Variants in BMP2K observed in about 807,000 individuals in gnomAD.
BMP2K encodes BMP-2-inducible protein kinase.
A neutral mutation model predicts 116.0 loss-of-function variants in BMP2K; 74 were observed. The observed-to-expected ratio is 0.64, with a 90% confidence interval of 0.53 to 0.77. The LOEUF is 0.77. Among genes scored for constraint, BMP2K ranks in the 30% least tolerant of loss-of-function variants. The probability of loss-of-function intolerance (pLI) is 0.00; values close to 1 mark genes in which losing one functional copy is unlikely to be tolerated. For missense variants in BMP2K, 1,365 were observed against 1,403.6 expected, an observed-to-expected ratio of 0.97 and a Z score of 0.44; for synonymous variants, 486 against 502.5, an observed-to-expected ratio of 0.97 and a Z score of 0.44.
chr4:78,842,275 T>C, intron 3 of BMP2K, 110 bp from the exon 4 acceptor site: 3 of 945,028 alleles, frequency 3.2e-6, no homozygotes, highest in Non-Finnish European at 4.5e-6. Flanking sequence ...ATGAGAATTA[T>C]GAAAAAGCCA....
intron 14 of BMP2K, among the ~76,000 whole-genome samples, chr4:78,880,432 T>C (rs975569012): frequency 1.3e-5 from 2 of 152,196 alleles, no homozygotes; most frequent in African/African-American, 2.4e-5. Flanking sequence ...ATTTATAGGA[T>C]TATATTTAAA....
At chr4:78,902,528 A>T (rs922880761) in intron 15 of BMP2K, among the ~76,000 whole-genome samples, 2 of 151,892 alleles carry the variant, frequency 1.3e-5, no homozygotes, top group African/African-American at 4.9e-5. Context: ...TATGCTGCCA[A>T]TTCAAAGTGA....
chr4:78,840,585 TATA>T (rs2110019784), intron 3 of BMP2K, among the ~76,000 whole-genome samples: 1 of 152,300 alleles, frequency 6.6e-6, no homozygotes, highest in South Asian at 2.1e-4. Context: ...ACCTTCAGTA[TATA>T]ATGTTTGATT....
At chr4:78,858,208 G>C (rs918490262) in intron 7 of BMP2K, among the ~76,000 whole-genome samples, 1 of 151,924 alleles carries the variant, frequency 6.6e-6, no homozygotes, top group Non-Finnish European at 1.5e-5. Context: ...TGAATAAGTA[G>C]TTATTGTTAA....
intron 1 of BMP2K, among the ~76,000 whole-genome samples, chr4:78,815,819 T>C (rs769407818): frequency 6.6e-5 from 10 of 152,166 alleles, no homozygotes; most frequent in Non-Finnish European, 1.3e-4. Context: ...TATGGACTTT[T>C]AGGATATACA....
chr4:78,851,774 T>C (rs1731262239), intron 7 of BMP2K, among the ~76,000 whole-genome samples: 1 of 152,040 alleles, frequency 6.6e-6, no homozygotes, highest in South Asian at 2.1e-4. Flanking sequence ...AATATAAAAA[T>C]AAATGTACTT....
At chr4:78,906,846 A>G (rs1734311588) in intron 15 of BMP2K, among the ~76,000 whole-genome samples, 1 of 152,182 alleles carries the variant, frequency 6.6e-6, no homozygotes, top group African/African-American at 2.4e-5. Context: ...TTTCTTCACA[A>G]TAGCTCTATG....
intron 11 of BMP2K, 110 bp downstream of exon 11, chr4:78,871,170 T>A: frequency 6.6e-7 from 1 of 1,507,026 alleles, no homozygotes; most frequent in Non-Finnish European, 8.9e-7. Context: ...TAGATTTGAG[T>A]AAACACTTTC....
intron 6 of BMP2K, among the ~76,000 whole-genome samples, chr4:78,850,296 A>T (rs1378569778): frequency 1.3e-5 from 2 of 151,852 alleles, no homozygotes; most frequent in Non-Finnish European, 2.9e-5. Context: ...ATGGTTATGA[A>T]GCCATGCAGG....
intron 3 of BMP2K, among the ~76,000 whole-genome samples, chr4:78,833,949 T>TA (rs1272239811): frequency 6.6e-6 from 1 of 152,208 alleles, no homozygotes; most frequent in African/African-American, 2.4e-5. Flanking sequence ...GGTACAGAGT[T>TA]ACAGTTCTTG....
At chr4:78,826,531 T>A (rs1729883144) in intron 2 of BMP2K, among the ~76,000 whole-genome samples, 2 of 152,112 alleles carry the variant, frequency 1.3e-5, no homozygotes, top group South Asian at 4.1e-4. Context: ...ATTAACCAGC[T>A]TTTAGGCAAG....
chr4:78,849,596 A>AT (rs886839156), intron 6 of BMP2K, among the ~76,000 whole-genome samples: 4 of 150,380 alleles, frequency 2.7e-5, no homozygotes, highest in African/African-American at 9.7e-5. Flanking sequence ...CATTAATAGC[A>AT]TTTTTTTTTA....
At chr4:78,804,047 C>T (rs1232149469) in intron 1 of BMP2K, among the ~76,000 whole-genome samples, 1 of 152,108 alleles carries the variant, frequency 6.6e-6, no homozygotes, top group Admixed American at 6.5e-5. Context: ...TGTTGTGAAA[C>T]ACCACCACTA....
At chr4:78,831,169 G>T (rs1390797709) in intron 2 of BMP2K, among the ~76,000 whole-genome samples, 1 of 152,210 alleles carries the variant, frequency 6.6e-6, no homozygotes, top group African/African-American at 2.4e-5. Context: ...CGGTGGAACA[G>T]TTAGAACACA....
At chr4:78,793,485 A>T (rs1020717903) in intron 1 of BMP2K, among the ~76,000 whole-genome samples, 5 of 152,156 alleles carry the variant, frequency 3.3e-5, no homozygotes, top group South Asian at 2.1e-4. Flanking sequence ...AGGTTTAAAA[A>T]TTTTCAGATT....
intron 13 of BMP2K, 127 bp from the exon 14 acceptor site, chr4:78,878,607 A>G: frequency 2.6e-6 from 2 of 779,402 alleles, no homozygotes; most frequent in Non-Finnish European, 4.0e-6. Context: ...CTTGTCTGTC[A>G]TCTCTGTCAT....
chr4:78,891,644 A>G (rs1733446897), intron 15 of BMP2K, among the ~76,000 whole-genome samples: 1 of 152,140 alleles, frequency 6.6e-6, no homozygotes, highest in Non-Finnish European at 1.5e-5. Flanking sequence ...TGCAAATAAC[A>G]TATTATTGGA....
intron 13 of BMP2K, among the ~76,000 whole-genome samples, chr4:78,875,396 G>A (rs1732583895): frequency 6.6e-6 from 1 of 152,020 alleles, no homozygotes; most frequent in Non-Finnish European, 1.5e-5. Flanking sequence ...ACTATCTTTT[G>A]CTAAACTTTC....
chr4:78,887,393 T>C, intron 15 of BMP2K, 109 bp downstream of exon 15: 1 of 790,282 alleles, frequency 1.3e-6, no homozygotes, highest in Non-Finnish European at 2.1e-6. Context: ...CTACAGAAAG[T>C]AGAAAATATT....
Sources: allele counts gnomAD v4.1 joint callset (sites outside exome capture counted in the v4.1 genomes callset), GRCh38; gene constraint gnomAD v4.1.1; transcripts MANE v1.5; gene names NCBI Gene and HGNC (gene_info 2026-07-23, HGNC 2026-07-21).